The following PSMG4 variants were observed in gnomAD, a reference collection of about 807,000 sequenced individuals.
PSMG4 encodes the protein proteasome assembly chaperone 4.
In PSMG4, 10 loss-of-function variants were observed where a neutral mutation model predicts 11.0. The ratio of observed to expected loss-of-function variants is 0.91; its 90% CI spans 0.56 to 1.54. PSMG4 has a LOEUF of 1.54. Ranked by LOEUF, PSMG4 falls within the 40% of genes most tolerant of loss-of-function variation. The pLI, the probability that PSMG4 is intolerant of heterozygous loss-of-function variation, is 0.00. For missense variants in PSMG4, 198 were observed against 160.9 expected (o/e 1.23, Z -1.25); for synonymous variants, 95 against 71.3 (o/e 1.33, Z -1.68).
At chr6:3,255,242 T>G (rs1423329966), upstream of PSMG4, 20 of 1,549,036 alleles carry the variant, frequency 1.3e-5, no homozygotes, top group East Asian at 4.2e-4. Context: ...AAGCCTTCCA[T>G]GCTGTTGGGT....
chr6:3,263,637 C>T (rs1489908614), intron 1 of PSMG4, 47 bp from the exon 2 acceptor site: 5 of 1,456,184 alleles, frequency 3.4e-6, no homozygotes, highest in Non-Finnish European at 4.6e-6. Flanking sequence ...TGTGGCTGGC[C>T]TGCGGGGGGT....
At chr6:3,266,403 T>G (rs984832666) in intron 2 of PSMG4, 4 of 152,112 alleles carry the variant, frequency 2.6e-5, no homozygotes, top group African/African-American at 9.7e-5. Flanking sequence ...CCTTTTGCCT[T>G]TTGGTGATGA....
At chr6:3,255,178 C>T (rs201749536), upstream of PSMG4, 4,531 of 1,550,720 alleles carry the variant, frequency 2.9e-3, 8 homozygotes, top group Non-Finnish European at 3.7e-3. Context: ...CTTACATGTG[C>T]GCTCTGGTGG....
chr6:3,255,373 T>C, upstream of PSMG4: 1 of 1,415,794 alleles, frequency 7.1e-7, no homozygotes, highest in South Asian at 1.5e-5. Context: ...CTGTGGTGGA[T>C]GATGTTTGTT....
upstream of PSMG4, among the ~76,000 whole-genome samples, chr6:3,256,536 C>T (rs4339509): frequency 0.039 from 5,938 of 152,326 alleles, 379 homozygotes; most frequent in African/African-American, 0.13. Context: ...GCGATTGTTA[C>T]GGCACATGGT....
chr6:3,255,592 G>A (rs78958137), upstream of PSMG4, among the ~76,000 whole-genome samples: 895 of 152,284 alleles, frequency 5.9e-3, 30 homozygotes, highest in East Asian at 0.095. Flanking sequence ...CAGACCCACT[G>A]CCTGAGTGAG....
At chr6:3,254,825 C>CT, upstream of PSMG4, among the ~76,000 whole-genome samples, 1 of 152,332 alleles carries the variant, frequency 6.6e-6, no homozygotes, top group African/African-American at 2.4e-5. Flanking sequence ...ATTCTGGACA[C>CT]AGTGGGACCT....
chr6:3,260,782 G>C (rs1757961825), intron 1 of PSMG4, among the ~76,000 whole-genome samples: 1 of 152,186 alleles, frequency 6.6e-6, no homozygotes, highest in African/African-American at 2.4e-5. Context: ...CAGGGCAACA[G>C]AATGATAGTT....
chr6:3,259,342 C>G (rs1229346961), intron 1 of PSMG4, 146 bp downstream of exon 1: 20 of 746,784 alleles, frequency 2.7e-5, no homozygotes, highest in Non-Finnish European at 3.6e-5. Context: ...TCTTAGGAAG[C>G]CCGCGGGCGC....
At position 3,267,701 on chromosome 6, in the gene PSMG4, G is replaced by A. The variant is rs1011073565; in HGVS notation, c.361G>A (p.Glu121Lys). The A allele has an allele frequency of 9.0e-6, 14 of 1,552,000 alleles. No homozygotes were observed. Among genetic ancestry groups the A allele is most frequent in the Admixed American group, 2.0e-5 (1 of 50,982 alleles). Reference sequence around the variant, plus strand: ...CAAGGAAGAGATGGAGGCTTTCCCCGAAAAGTTCTAGCTGAGTGGCAGAAG... The same window carrying A: ...CAAGGAAGAGATGGAGGCTTTCCCCAAAAAGTTCTAGCTGAGTGGCAGAAG... ...RIKEEMEAFP[E>K]KF Residue 121 changes from glutamate (E) to lysine (K), a missense_variant, in exon 3 of 3, where the codon GAA (glutamate) becomes AAA (lysine). Physicochemically the swap from Glu to Lys is moderately conservative, Grantham distance 56. Transcript: ENST00000438998.
chr6:3,258,953 T>TCGGGTCTGG lies in PSMG4; in HGVS notation c.-65_-57dup. On this transcript the variant is annotated 5_prime_UTR_variant, in exon 1 of 3. Transcript: ENST00000438998. ...GCTCGGTCTCTCGGTGCTCGCTCCA[T>TCGGGTCTGG]CGGGTCTGGCGGGGCTGGCAGCGGC... 1 of 1,217,244 alleles carries TCGGGTCTGG rather than the reference T, an allele frequency of 8.2e-7. No individual in the cohort carries two copies. 75.4% of individuals were successfully genotyped at this position (1,217,244 alleles called of 1,614,324 possible).
upstream of PSMG4, among the ~76,000 whole-genome samples, chr6:3,258,584 C>T (rs1757842137): frequency 6.6e-6 from 1 of 152,082 alleles, no homozygotes; most frequent in South Asian, 2.1e-4. Flanking sequence ...GTCTGTAGGG[C>T]GAAGTGTCAC....
At position 3,260,287 on chromosome 6, in the gene PSMG4, ATATAT is replaced by A. The variant is rs1184036007; in HGVS notation, c.174+1093_174+1097del. 2.2e-3 allele frequency among the ~76,000 whole-genome samples: 24 copies of A among 10,762 alleles called. 1 individual carries two copies. Among genetic ancestry groups the A allele is most frequent in the African/African-American group, 7.3e-3 (24 of 3,276 alleles). 7.1% of individuals were successfully genotyped at this position (10,762 alleles called of 152,430 possible). A position where few individuals can be genotyped will look rare whatever the true frequency, so the allele number is the denominator to read the frequency against. ...ACCTTGTCTTAAATTGTATATATAT[ATATAT>A]TTTTTTTTTTTTTTTTTGAAGCAAA... On this transcript the variant is annotated intron_variant, in intron 1 of 2. Coordinates refer to ENST00000438998, the MANE Select transcript of PSMG4 (RefSeq NM_001128591.2).
intron 1 of PSMG4, among the ~76,000 whole-genome samples, chr6:3,260,508 C>T (rs1286851086): frequency 6.6e-6 from 1 of 151,794 alleles, no homozygotes; most frequent in Admixed American, 6.6e-5. Flanking sequence ...AGGCTGATCT[C>T]GAAATTCTGA....
chr6:3,263,847 G>A (rs2127262346), intron 2 of PSMG4, 88 bp downstream of exon 2: 1 of 1,501,352 alleles, frequency 6.7e-7, no homozygotes, highest in South Asian at 1.3e-5. Context: ...CGGAAGTAAA[G>A]CATCTTTATG....
chr6:3,267,631 T>C lies in PSMG4; in HGVS notation c.291T>C (p.Leu97=). 6.4e-7 allele frequency: 1 copy of C among 1,552,050 alleles called. No homozygotes were observed. Among genetic ancestry groups the C allele is most frequent in the Non-Finnish European group, 8.7e-7 (1 of 1,147,028 alleles). Residue 97 remains leucine (L), a synonymous_variant, in exon 3 of 3, where the codon CTT becomes CTC. Transcript: ENST00000438998. ...AACAGGTGTTTGTCAGCTATAACCT[T>C]CAGAACACAGACAGTAACTTCGCAT... ...TNKQVFVSYN[L]QNTDSNFALL... is the part of the protein sequence containing the mutation.
intron 2 of PSMG4, 69 bp from the exon 3 acceptor site, chr6:3,267,521 CG>C: frequency 1.3e-6 from 2 of 1,517,386 alleles, no homozygotes; most frequent in East Asian, 5.0e-5. Context: ...CCCAGCTGCA[CG>C]TGGCTGTGAG....
chr6:3,254,553 G>A (rs999264133), upstream of PSMG4, among the ~76,000 whole-genome samples: 6 of 152,018 alleles, frequency 3.9e-5, no homozygotes, highest in African/African-American at 9.7e-5. Flanking sequence ...GTGCAGATTT[G>A]TTCTCGGGGT....
At chr6:3,254,505 G>A (rs1446235519), upstream of PSMG4, among the ~76,000 whole-genome samples, 4 of 152,000 alleles carry the variant, frequency 2.6e-5, no homozygotes, top group Non-Finnish European at 4.4e-5. Flanking sequence ...TTTTGTGTAT[G>A]TGTTGGGTTT....
Sources: gnomAD v4.1 joint callset for allele counts (sites outside exome capture counted in the v4.1 genomes callset) on GRCh38, gnomAD v4.1.1 for gene constraint, MANE v1.5 for transcripts, NCBI Gene and HGNC (gene_info 2026-07-23, HGNC 2026-07-21) for gene names.